The following APBA2 variants were observed in gnomAD, a reference collection of about 807,000 sequenced individuals.
The protein encoded by APBA2 is amyloid-beta A4 precursor protein-binding family A member 2.
APBA2 carries 30 observed loss-of-function variants against 75.0 expected under a neutral mutation model. That is an observed-to-expected ratio of 0.40 (90% CI 0.30 to 0.54). The LOEUF (loss-of-function observed/expected upper bound fraction) is 0.54. APBA2 is among the 20% of genes least tolerant of loss of function. The probability of loss-of-function intolerance (pLI) is 0.49; values close to 1 mark genes in which losing one functional copy is unlikely to be tolerated. For missense variants in APBA2, 801 were observed against 1,016.1 expected, an observed-to-expected ratio of 0.79 and a Z score of 2.88; for synonymous variants, 444 against 409.6, an observed-to-expected ratio of 1.08 and a Z score of -1.01.
chr15:29,063,731 G>T (rs1036987262), intron 4 of APBA2, among the ~76,000 whole-genome samples: 10 of 147,694 alleles, frequency 6.8e-5, no homozygotes, highest in Non-Finnish European at 1.3e-4. Context: ...ATGATGATGA[G>T]TTTTCAGTCC....
At chr15:28,887,882 T>C (rs36169835) in intron 1 of APBA2, among the ~76,000 whole-genome samples, 67,783 of 151,702 alleles carry the variant, frequency 0.45, 15,424 homozygotes, top group Non-Finnish European at 0.47. Flanking sequence ...TCTTCCCTCT[T>C]ATTTATTAGG....
chr15:28,932,012 G>A (rs894326039), intron 2 of APBA2, among the ~76,000 whole-genome samples: 2 of 152,182 alleles, frequency 1.3e-5, no homozygotes, highest in African/African-American at 4.8e-5. Flanking sequence ...CTGCAGCTGA[G>A]TCTAGCCCTC....
At position 29,117,254 on chromosome 15, in the gene APBA2, C is replaced by G. The variant is rs1400321504; in HGVS notation, c.*121C>G. On this transcript the variant is annotated 3_prime_UTR_variant, in exon 15 of 15. Coordinates refer to ENST00000683413, the MANE Select transcript of APBA2 (RefSeq NM_001353788.2). ...CAGCCCAGCCACGGACGCTGGCTCC[C>G]CAAAGGGTGTGCCCTCACCACCCAC... 2 of 915,036 alleles carry G rather than the reference C, an allele frequency of 2.2e-6. No homozygotes were observed. The allele number at this position is 915,036 out of a possible 1,614,324, so 56.7% of individuals were successfully genotyped here.
intron 1 of APBA2, among the ~76,000 whole-genome samples, chr15:28,898,587 G>T (rs902300655): frequency 3.3e-5 from 5 of 152,222 alleles, no homozygotes; most frequent in African/African-American, 1.2e-4. Flanking sequence ...GGCCCAGGGG[G>T]AGGGAAGCAC....
chr15:29,117,251 T>G lies in APBA2; in HGVS notation c.*118T>G, dbSNP rs1467443690. ...CCACAGCCCAGCCACGGACGCTGGC[T>G]CCCCAAAGGGTGTGCCCTCACCACC... On this transcript the variant is annotated 3_prime_UTR_variant, in exon 15 of 15. Coordinates refer to ENST00000683413, the MANE Select transcript of APBA2 (RefSeq NM_001353788.2). The G allele has an allele frequency of 8.4e-6, 8 of 948,206 alleles. No homozygotes were observed. The African/African-American group carries it at 9.8e-5, about 12-fold the overall frequency. 58.7% of individuals were successfully genotyped at this position (948,206 alleles called of 1,614,324 possible). A position where few individuals can be genotyped will look rare whatever the true frequency, so the allele number is the denominator to read the frequency against.
At chr15:28,965,307 C>G (rs2036682882) in intron 2 of APBA2, among the ~76,000 whole-genome samples, 1 of 152,124 alleles carries the variant, frequency 6.6e-6, no homozygotes, top group South Asian at 2.1e-4. Flanking sequence ...TTTTCCTGGG[C>G]TCTCTACTCC....
At chr15:28,916,330 A>C (rs1382889703) in intron 1 of APBA2, among the ~76,000 whole-genome samples, 1 of 152,124 alleles carries the variant, frequency 6.6e-6, no homozygotes, top group Non-Finnish European at 1.5e-5. Context: ...ACCCTTCCCC[A>C]CAGGTCGTTT....
chr15:29,009,295 T>C (rs879719101), intron 3 of APBA2, among the ~76,000 whole-genome samples: 10 of 152,178 alleles, frequency 6.6e-5, no homozygotes, highest in Admixed American at 2.0e-4. Context: ...AACGCGCACC[T>C]GGAGTTGTTC....
intron 2 of APBA2, among the ~76,000 whole-genome samples, chr15:28,956,077 G>C (rs1007096837): frequency 1.3e-5 from 2 of 152,214 alleles, no homozygotes; most frequent in African/African-American, 4.8e-5. Flanking sequence ...ACTCCGGTCT[G>C]TGGTTTCTAG....
intron 1 of APBA2, among the ~76,000 whole-genome samples, chr15:28,907,184 G>C (rs1457065040): frequency 6.6e-6 from 1 of 152,112 alleles, no homozygotes; most frequent in Non-Finnish European, 1.5e-5. Flanking sequence ...GTGAGTTGGG[G>C]ATGTAGTTTT....
Position 29,098,556 on chromosome 15 carries a change from G to A in APBA2, c.1318G>A (p.Val440Ile), listed in dbSNP as rs777036379. The A allele has an allele frequency of 1.2e-6, 2 of 1,614,062 alleles. No individual in the cohort carries two copies. The highest frequency in any genetic ancestry group is 1.7e-6 in the Non-Finnish European group (2 of 1,179,942). Residue 440 changes from valine (V) to isoleucine (I), a missense_variant, in exon 9 of 15, where the codon GTT (valine) becomes ATT (isoleucine). This residue lies in a region of APBA2 where 367 missense variants were observed against 544.5 expected (regional missense o/e 0.67). Coordinates refer to ENST00000683413, the MANE Select transcript of APBA2 (RefSeq NM_001353788.2). The stretch of plus-strand genomic sequence containing the variant: ...CTTCATTTCCACCCAGAGGATCAAG[G>A]TTTTAAATGCAGACACGCAGGTAAG... ...DLFISTQRIKVLNADTQETMM... is the reference protein window; with the variant it reads ...DLFISTQRIKILNADTQETMM...
intron 10 of APBA2, 30 bp from the exon 11 acceptor site, chr15:29,105,349 C>G: frequency 1.2e-6 from 2 of 1,603,606 alleles, no homozygotes; most frequent in Non-Finnish European, 1.7e-6. Context: ...TGCCACGTGC[C>G]TGTCTCCAGC....
At chr15:29,015,903 C>T (rs1243667711) in intron 3 of APBA2, among the ~76,000 whole-genome samples, 2 of 152,282 alleles carry the variant, frequency 1.3e-5, no homozygotes, top group African/African-American at 4.8e-5. Context: ...CCCCTGGCCC[C>T]CCACTTCCCA....
rs183006033 is a variant in APBA2 at position 29,038,492 on chromosome 15, C to T, written c.-40-15353C>T. 2.7e-3 allele frequency among the ~76,000 whole-genome samples: 410 copies of T among 152,162 alleles called. 2 individuals carry two copies. The highest frequency in any genetic ancestry group is 5.3e-3 in the Admixed American group (81 of 15,278). On this transcript the variant is annotated intron_variant, in intron 3 of 14. Coordinates refer to ENST00000683413, the MANE Select transcript of APBA2 (RefSeq NM_001353788.2). ...CCACAGTGCTGAACCAAATCAGCAA[C>T]GCTGCACTTTGCAACTCTGACAGTT...
chr15:28,951,965 T>G (rs990694753), intron 2 of APBA2, among the ~76,000 whole-genome samples: 2 of 149,480 alleles, frequency 1.3e-5, no homozygotes, highest in Non-Finnish European at 1.5e-5. Flanking sequence ...CTTGTCTCAC[T>G]GTAATCTCCA....
intron 2 of APBA2, among the ~76,000 whole-genome samples, chr15:28,979,690 C>T (rs535240679): frequency 2.0e-5 from 3 of 152,276 alleles, no homozygotes; most frequent in Admixed American, 6.5e-5. Context: ...CTGGGCGGAG[C>T]GTGCAGTCTC....
intron 3 of APBA2, among the ~76,000 whole-genome samples, chr15:29,034,367 C>T (rs1323565878): frequency 6.6e-6 from 1 of 152,186 alleles, no homozygotes; most frequent in Non-Finnish European, 1.5e-5. Flanking sequence ...CTTTGGAACG[C>T]ACCACGAATA....
intron 1 of APBA2, among the ~76,000 whole-genome samples, chr15:28,909,206 G>A (rs1383538172): frequency 6.6e-6 from 1 of 151,892 alleles, no homozygotes; most frequent in Non-Finnish European, 1.5e-5. Context: ...TAGCCAGGAT[G>A]GTCTCAATCT....
At chr15:29,024,260 C>T (rs542015813) in intron 3 of APBA2, among the ~76,000 whole-genome samples, 24 of 152,302 alleles carry the variant, frequency 1.6e-4, no homozygotes, top group African/African-American at 2.6e-4. Context: ...ATAAGTTCAG[C>T]GTGCACTTTA....
Sources: allele counts gnomAD v4.1 joint callset (sites outside exome capture counted in the v4.1 genomes callset), GRCh38; gene constraint gnomAD v4.1.1; regional missense constraint gnomAD v4.1.1; transcripts MANE v1.5; gene names NCBI Gene and HGNC (gene_info 2026-07-23, HGNC 2026-07-21).